SVOP: variants seen among roughly 807,000 people sequenced by gnomAD.
The protein encoded by SVOP is SV2 related protein.
Under a neutral mutation model 69.1 loss-of-function variants are expected in SVOP, and 17 were observed. That is an observed-to-expected ratio of 0.25 (90% CI 0.17 to 0.37). The LOEUF is 0.37. SVOP is among the 10% of genes least tolerant of loss of function. The pLI, the probability that SVOP is intolerant of heterozygous loss-of-function variation, is 1.00. For synonymous variants in SVOP, 238 were observed against 238.6 expected (o/e 1.00, Z 0.02); for missense variants, 435 against 597.5 (o/e 0.73, Z 2.84).
At chr12:108,969,743 TG>T (rs369605532) in intron 5 of SVOP, among the ~76,000 whole-genome samples, 1 of 144,988 alleles carries the variant, frequency 6.9e-6, no homozygotes, top group African/African-American at 2.5e-5. Context: ...TCCTCTCTCC[TG>T]TCCTTAAACT....
At chr12:108,951,535 G>T (rs974796280) in intron 6 of SVOP, among the ~76,000 whole-genome samples, 1 of 152,128 alleles carries the variant, frequency 6.6e-6, no homozygotes, top group African/African-American at 2.4e-5. Flanking sequence ...ATTCCTTCTT[G>T]ATGTCCCTCC....
intron 1 of SVOP, among the ~76,000 whole-genome samples, chr12:109,015,336 G>A (rs559109181): frequency 3.3e-5 from 5 of 152,294 alleles, no homozygotes; most frequent in South Asian, 2.1e-4. Flanking sequence ...GAATCCCTCT[G>A]GCCACTGGGT....
chr12:108,978,488 A>G, intron 3 of SVOP, 90 bp downstream of exon 3: 6 of 649,510 alleles, frequency 9.2e-6, no homozygotes. Flanking sequence ...TGTGCAAAGA[A>G]CTGTGTCCTT....
chr12:109,003,014 T>TAAAAATAAAAATA (rs1555253348), intron 1 of SVOP, among the ~76,000 whole-genome samples: 1 of 150,242 alleles, frequency 6.7e-6, no homozygotes, highest in Non-Finnish European at 1.5e-5. Context: ...AAAATAAAAA[T>TAAAAATAAAAATA]AAAAAAACAA....
At chr12:108,959,376 CAG>C (rs2040004097) in intron 6 of SVOP, among the ~76,000 whole-genome samples, 1 of 127,224 alleles carries the variant, frequency 7.9e-6, no homozygotes, top group Admixed American at 9.3e-5. Context: ...TTTTTTGAGT[CAG>C]AGTCTCACTC....
chr12:108,934,324 C>A, intron 10 of SVOP, 53 bp from the exon 11 acceptor site: 1 of 1,477,204 alleles, frequency 6.8e-7, no homozygotes, highest in African/African-American at 1.4e-5. Flanking sequence ...ACACCAGTCC[C>A]CTTTCCCTAC....
At chr12:108,931,298 G>T (rs531194067) in intron 11 of SVOP, among the ~76,000 whole-genome samples, 3 of 152,312 alleles carry the variant, frequency 2.0e-5, no homozygotes, top group Non-Finnish European at 4.4e-5. Flanking sequence ...GCAGGAACTT[G>T]ATTCTTTTAT....
At chr12:108,930,973 A>G (rs1004671380) in intron 11 of SVOP, among the ~76,000 whole-genome samples, 3 of 152,158 alleles carry the variant, frequency 2.0e-5, no homozygotes, top group Non-Finnish European at 2.9e-5. Context: ...AATATTTACT[A>G]CCTGACCTTT....
At chr12:108,997,264 A>G (rs1291425409) in intron 1 of SVOP, among the ~76,000 whole-genome samples, 4 of 152,044 alleles carry the variant, frequency 2.6e-5, no homozygotes, top group Admixed American at 6.5e-5. Flanking sequence ...GGCTTAAAAA[A>G]CGGCGCACCA....
rs559298561 is a variant in SVOP, at chr12:108,912,909, G to T, written c.1441-168C>A. 3.3e-5 allele frequency among the ~76,000 whole-genome samples: 5 copies of T among 151,924 alleles called. No homozygotes were observed. The East Asian group carries it at 5.8e-4, about 18-fold the overall frequency. On this transcript the variant is annotated intron_variant, in intron 15 of 15. Transcript: ENST00000610966. ...TTGTCCCTCTCTCTCCTTGTGACAC[G>T]CCTGCCCCTCCTTTGCCTTCCTCCA...
chr12:108,960,447 G>A (rs935019808), intron 6 of SVOP, among the ~76,000 whole-genome samples: 2 of 152,114 alleles, frequency 1.3e-5, no homozygotes, highest in African/African-American at 4.8e-5. Context: ...AGTGACATGT[G>A]GTTAGCATCA....
intron 1 of SVOP, among the ~76,000 whole-genome samples, chr12:108,998,285 A>G (rs2040248160): frequency 6.6e-6 from 1 of 151,704 alleles, no homozygotes; most frequent in African/African-American, 2.4e-5. Flanking sequence ...GAAATGAGCA[A>G]AGCCTCCAAG....
At chr12:108,953,439 G>A (rs915544937) in intron 6 of SVOP, among the ~76,000 whole-genome samples, 2 of 152,152 alleles carry the variant, frequency 1.3e-5, no homozygotes, top group South Asian at 2.1e-4. Context: ...TGATCACCAC[G>A]CCCGGCCCTA....
In SVOP at chr12:108,908,521, AG is replaced by A. The variant is rs1432379769; in HGVS notation, c.*4013del. The A allele has an allele frequency of 6.6e-6, 1 of 151,950 alleles. No individual in the cohort carries two copies. The highest frequency in any genetic ancestry group is 1.5e-5 in the Non-Finnish European group (1 of 67,892). 9.4% of individuals were successfully genotyped at this position (151,950 alleles called of 1,614,324 possible). A position where few individuals can be genotyped will look rare whatever the true frequency, so the allele number is the denominator to read the frequency against. On this transcript the variant is annotated 3_prime_UTR_variant, in exon 16 of 16. Transcript: ENST00000610966. ...CCATGGTGGAACAACATCAGCTGGAAGGGAGTTGCAGCCCCCCCCTGCAGAC... is the reference window on the plus strand; with the variant it reads ...CCATGGTGGAACAACATCAGCTGGAAGGAGTTGCAGCCCCCCCCTGCAGAC...
intron 1 of SVOP, among the ~76,000 whole-genome samples, chr12:108,996,473 G>A (rs970037961): frequency 3.3e-5 from 5 of 152,082 alleles, no homozygotes; most frequent in African/African-American, 7.2e-5. Flanking sequence ...CAAGAGAATC[G>A]CTTGAACCCA....
chr12:109,011,231 A>G (rs957408628), intron 1 of SVOP, among the ~76,000 whole-genome samples: 10 of 151,998 alleles, frequency 6.6e-5, no homozygotes, highest in African/African-American at 2.4e-4. Flanking sequence ...AAGGCACTCA[A>G]CAATCAGACT....
At chr12:108,938,253 C>A (rs1156524990) in intron 9 of SVOP, among the ~76,000 whole-genome samples, 2 of 152,208 alleles carry the variant, frequency 1.3e-5, no homozygotes, top group Non-Finnish European at 2.9e-5. Context: ...TTGGATGGTT[C>A]TTGAGGGCAG....
At chr12:108,943,415 G>C (rs778318055) in intron 7 of SVOP, among the ~76,000 whole-genome samples, 1 of 151,684 alleles carries the variant, frequency 6.6e-6, no homozygotes, top group Non-Finnish European at 1.5e-5. Flanking sequence ...GGCCAAGATG[G>C]TAAAACTTGT....
chr12:108,919,870 C>A (rs1481942628), intron 12 of SVOP, 84 bp from the exon 13 acceptor site: 2 of 927,118 alleles, frequency 2.2e-6, no homozygotes. Flanking sequence ...TGTATCATCC[C>A]CTCCCCTGGA....
Sources: allele counts gnomAD v4.1 joint callset (sites outside exome capture counted in the v4.1 genomes callset), GRCh38; gene constraint gnomAD v4.1.1; transcripts MANE v1.5; gene names NCBI Gene and HGNC (gene_info 2026-07-23, HGNC 2026-07-21).